MOGAT2: variants seen among roughly 807,000 people sequenced by gnomAD.
MOGAT2 encodes 2-acylglycerol O-acyltransferase 2.
Under a neutral mutation model 31.5 loss-of-function variants are expected in MOGAT2, and 27 were observed. The ratio of observed to expected loss-of-function variants is 0.86; its 90% CI spans 0.63 to 1.18. The LOEUF is 1.18. Ranked by LOEUF, MOGAT2 falls within the 50% of genes most tolerant of loss-of-function variation. MOGAT2 has a pLI of 0.00. For missense variants in MOGAT2, 436 were observed against 433.2 expected, an observed-to-expected ratio of 1.01 and a Z score of -0.06; for synonymous variants, 163 against 170.0, an observed-to-expected ratio of 0.96 and a Z score of 0.32.
chr11:75,727,856 G>A, intron 3 of MOGAT2, 114 bp from the exon 4 acceptor site: 13 of 1,200,024 alleles, frequency 1.1e-5, no homozygotes, highest in Non-Finnish European at 1.5e-5. Flanking sequence ...GGTGCAGTGG[G>A]GGAAAAACCC....
chr11:75,730,314 G>A (rs889677961), intron 5 of MOGAT2, among the ~76,000 whole-genome samples: 3 of 152,318 alleles, frequency 2.0e-5, no homozygotes, highest in East Asian at 1.9e-4. Context: ...GCAGGTCAGC[G>A]TGGAGGGGTA....
chr11:75,730,107 A>G (rs1450055446), intron 5 of MOGAT2, among the ~76,000 whole-genome samples: 1 of 152,170 alleles, frequency 6.6e-6, no homozygotes, highest in Non-Finnish European at 1.5e-5. Flanking sequence ...TTGCTAATTG[A>G]GCAGACTTGG....
chr11:75,728,831 T>A lies in MOGAT2; in HGVS notation c.692T>A (p.Leu231Gln). ...ATCTTCTCCTTCGGGGAGAATGACC[T>A]ATTTGACCAGATTCCCAACTCTTCT... is the stretch of plus-strand genomic sequence containing the variant. Reference protein sequence around the residue: ...VPIFSFGENDLFDQIPNSSGS... With the variant: ...VPIFSFGENDQFDQIPNSSGS... The change falls in exon 5 of 6, where the codon CTA becomes CAA. Residue 231 changes from leucine to glutamine, a missense_variant. By Grantham distance (113) the Leu-to-Gln change is moderately radical. Coordinates refer to ENST00000198801, the MANE Select transcript of MOGAT2 (RefSeq NM_025098.4). 6.2e-7 allele frequency: 1 copy of A among 1,614,226 alleles called. No homozygotes were observed. The highest frequency in any genetic ancestry group is 8.5e-7 in the Non-Finnish European group (1 of 1,180,036).
chr11:75,727,388 C>A, intron 2 of MOGAT2, 47 bp from the exon 3 acceptor site: 1 of 1,575,078 alleles, frequency 6.3e-7, no homozygotes, highest in Non-Finnish European at 8.7e-7. Flanking sequence ...AGAGTCAGGG[C>A]TGGTACACAG....
At position 75,726,967 on chromosome 11, in the gene MOGAT2, G is replaced by A. The variant is rs547360027; in HGVS notation, c.271-468G>A. On this transcript the variant is annotated intron_variant, in intron 2 of 5. Transcript: ENST00000198801. ...GGCCTCCCAAAGTGCTGGGATTACA[G>A]GCGTGAGCCACCGCGCCTGGCTGGA... Among the ~76,000 whole-genome samples, 5 of 152,234 alleles carry A rather than the reference G, an allele frequency of 3.3e-5. No individual in the cohort carries two copies. The South Asian group carries it at 8.3e-4, about 25-fold the overall frequency.
chr11:75,728,769 C>T (rs1326271804), intron 4 of MOGAT2, 21 bp from the exon 5 acceptor site: 4 of 1,610,240 alleles, frequency 2.5e-6, no homozygotes, highest in Non-Finnish European at 3.4e-6. Flanking sequence ...CACATGCCCT[C>T]TTTCCTCTAT....
intron 2 of MOGAT2, among the ~76,000 whole-genome samples, chr11:75,724,907 G>C (rs910637048): frequency 2.4e-4 from 36 of 152,304 alleles, no homozygotes; most frequent in African/African-American, 8.4e-4. Context: ...GACAGAAAAA[G>C]CTGCTGTACT....
intron 2 of MOGAT2, among the ~76,000 whole-genome samples, chr11:75,726,675 C>T (rs1334475526): frequency 6.7e-6 from 1 of 150,258 alleles, no homozygotes; most frequent in Non-Finnish European, 1.5e-5. Flanking sequence ...ATAGATGTCT[C>T]ATGGATATGG....
chr11:75,718,308 T>C (rs1398227668), intron 1 of MOGAT2, among the ~76,000 whole-genome samples: 2 of 152,112 alleles, frequency 1.3e-5, no homozygotes, highest in Non-Finnish European at 2.9e-5. Context: ...GACGGGAAAG[T>C]TCTGGGCTCT....
chr11:75,727,907 A>G (rs908981486), intron 3 of MOGAT2, 63 bp from the exon 4 acceptor site: 18 of 1,478,182 alleles, frequency 1.2e-5, no homozygotes, highest in Middle Eastern at 1.9e-4. Flanking sequence ...TTTATGGGCT[A>G]CATGTACTTT....
At chr11:75,720,733 A>T (rs573306126) in intron 2 of MOGAT2, among the ~76,000 whole-genome samples, 1 of 152,236 alleles carries the variant, frequency 6.6e-6, no homozygotes, top group Admixed American at 6.5e-5. Context: ...ATCTTTGGGC[A>T]AAGCTTTATC....
chr11:75,730,934 AG>A, intron 5 of MOGAT2, 197 bp from the exon 6 acceptor site: 7 of 402,646 alleles, frequency 1.7e-5, no homozygotes, highest in South Asian at 5.5e-5. Flanking sequence ...AAAAAAGAAA[AG>A]AAAAGAAAAG....
intron 5 of MOGAT2, chr11:75,730,927 A>G (rs1944472245): frequency 4.0e-6 from 1 of 247,108 alleles, no homozygotes; most frequent in South Asian, 8.9e-5. Flanking sequence ...AAAAAAAAAA[A>G]AAGAAAAGAA....
At chr11:75,728,603 C>A (rs1432202486) in intron 4 of MOGAT2, 187 bp from the exon 5 acceptor site, 4 of 610,786 alleles carry the variant, frequency 6.5e-6, no homozygotes, top group African/African-American at 1.8e-5. Flanking sequence ...CTGCAAGGGA[C>A]CTGCCCAAGG....
At position 75,727,467 on chromosome 11, in the gene MOGAT2, G is replaced by T. The variant is rs138060631; in HGVS notation, c.303G>T (p.Arg101=). 6.2e-7 allele frequency: 1 copy of T among 1,614,108 alleles called. No homozygotes were observed. Among genetic ancestry groups the T allele is most frequent in the Non-Finnish European group, 8.5e-7 (1 of 1,180,014 alleles). Residue 101 remains arginine, a synonymous_variant, in exon 3 of 6, where the codon CGG becomes CGT. Transcript: ENST00000198801. The part of the protein sequence containing the change: ...LVKTAELDPS[R]NYIAGFHPHG... ...AGACTGCTGAGCTGGACCCCTCTCG[G>T]AACTACATTGCGGGCTTCCACCCCC...
intron 5 of MOGAT2, among the ~76,000 whole-genome samples, chr11:75,730,081 A>T (rs990403507): frequency 6.6e-6 from 1 of 152,156 alleles, no homozygotes; most frequent in African/African-American, 2.4e-5. Context: ...CATTCATGTC[A>T]TCTCCATCCA....
In MOGAT2 at chr11:75,728,796, C is replaced by T. The variant is rs763929260; in HGVS notation, c.657C>T (p.Pro219=). 6.2e-7 allele frequency: 1 copy of T among 1,613,622 alleles called. No homozygotes were observed. The highest frequency in any genetic ancestry group is 1.1e-5 in the South Asian group (1 of 91,070). Reference sequence around the variant, plus strand: ...TTCCTCTATTTGTCTCCAGGGCACCCCTGGTGCCAATCTTCTCCTTCGGGG... The same window carrying T: ...TTCCTCTATTTGTCTCCAGGGCACCTCTGGTGCCAATCTTCTCCTTCGGGG... ...FVRLALTHGA[P]LVPIFSFGEN... Residue 219 remains proline, a synonymous_variant, in exon 5 of 6, where the codon CCC becomes CCT. Coordinates refer to ENST00000198801, the MANE Select transcript of MOGAT2 (RefSeq NM_025098.4).
In MOGAT2 at chr11:75,727,978, A is replaced by C. The variant is rs768548675; in HGVS notation, c.484A>C (p.Thr162Pro). 1 of 1,607,600 alleles carries C rather than the reference A, an allele frequency of 6.2e-7. No individual in the cohort carries two copies. The highest frequency in any genetic ancestry group is 8.5e-7 in the Non-Finnish European group (1 of 1,176,056). ...RDYIMSAGLV[T>P]SEKESAAHIL... ...CTTTTCTCTTTCCCTAGGGTTGGTC[A>C]CATCAGAAAAGGAGAGTGCTGCTCA... Residue 162 changes from threonine to proline, a missense_variant, in exon 4 of 6, where the codon ACA (threonine) becomes CCA (proline). Thr to Pro is a conservative substitution (Grantham distance 38). Transcript: ENST00000198801.
At chr11:75,726,550 A>G (rs1397411989) in intron 2 of MOGAT2, among the ~76,000 whole-genome samples, 1 of 152,212 alleles carries the variant, frequency 6.6e-6, no homozygotes, top group Non-Finnish European at 1.5e-5. Context: ...ATACAATGGA[A>G]ATGGTATGGA....
Sources: allele counts gnomAD v4.1 joint callset (sites outside exome capture counted in the v4.1 genomes callset), GRCh38; gene constraint gnomAD v4.1.1; transcripts MANE v1.5; gene names NCBI Gene and HGNC (gene_info 2026-07-23, HGNC 2026-07-21).